The following MTMR7 variants were observed in gnomAD, a reference collection of about 807,000 sequenced individuals.
MTMR7 encodes myotubularin related protein 7.
A neutral mutation model predicts 81.2 loss-of-function variants in MTMR7; 76 were observed. That is an observed-to-expected ratio of 0.94 (90% CI 0.78 to 1.13). The LOEUF (loss-of-function observed/expected upper bound fraction) is 1.13, where lower values mean the gene tolerates loss of function less well. Ranked by LOEUF, MTMR7 falls within the 50% of genes most tolerant of loss-of-function variation. MTMR7 has a pLI of 0.00. For missense variants in MTMR7, 1,044 were observed against 820.0 expected, an observed-to-expected ratio of 1.27 and a Z score of -3.34; for synonymous variants, 372 against 289.8, an observed-to-expected ratio of 1.28 and a Z score of -2.88.
intron 1 of MTMR7, among the ~76,000 whole-genome samples, chr8:17,381,242 A>G (rs1183601095): frequency 6.6e-6 from 1 of 152,106 alleles, no homozygotes; most frequent in East Asian, 1.9e-4. Flanking sequence ...TTCTAGGCCA[A>G]GGCTGAAAAC....
At chr8:17,386,314 G>A (rs1477699649) in intron 1 of MTMR7, among the ~76,000 whole-genome samples, 2 of 152,332 alleles carry the variant, frequency 1.3e-5, no homozygotes, top group Middle Eastern at 3.4e-3. Flanking sequence ...GGAGGTCAAG[G>A]CTGCAGTGGG....
intron 1 of MTMR7, among the ~76,000 whole-genome samples, chr8:17,394,614 G>A: frequency 6.6e-6 from 1 of 152,138 alleles, no homozygotes; most frequent in Admixed American, 6.5e-5. Flanking sequence ...ATAGAGAGTA[G>A]TGATGGTTAC....
At chr8:17,303,811 T>C (rs896421245) in intron 12 of MTMR7, among the ~76,000 whole-genome samples, 9 of 152,258 alleles carry the variant, frequency 5.9e-5, no homozygotes, top group African/African-American at 2.2e-4. Context: ...GGTCTCCCCA[T>C]GTTGGCCAGG....
chr8:17,404,326 G>A (rs558048310), intron 1 of MTMR7, among the ~76,000 whole-genome samples: 7 of 152,112 alleles, frequency 4.6e-5, no homozygotes, highest in East Asian at 1.9e-4. Context: ...GTGGATCGCC[G>A]AGATTGGAAA....
intron 3 of MTMR7, among the ~76,000 whole-genome samples, chr8:17,362,826 G>A (rs962050272): frequency 1.3e-5 from 2 of 152,196 alleles, no homozygotes; most frequent in African/African-American, 4.8e-5. Context: ...CCACCAGCAA[G>A]AGGCTGCAGC....
At position 17,309,292 on chromosome 8, in the gene MTMR7, T is replaced by C. The variant is rs1205343678; in HGVS notation, c.1136A>G (p.His379Arg). 2.6e-6 allele frequency: 4 copies of C among 1,560,642 alleles called. No individual in the cohort carries two copies. Among genetic ancestry groups the C allele is most frequent in the Non-Finnish European group, 3.5e-6 (4 of 1,131,810 alleles). Residue 379 changes from histidine (H) to arginine (R), a missense_variant, in exon 10 of 14, where the codon CAT (histidine) becomes CGT (arginine). Coordinates refer to ENST00000180173, the MANE Select transcript of MTMR7 (RefSeq NM_004686.5). The stretch of plus-strand genomic sequence containing the variant: ...TATTACTTACCGGTGATTAAACTTA[T>C]GACCAAAGGAAATCCAGTCCTTTTC... The part of the protein sequence containing the change: ...LIEKDWISFG[H>R]KFNHRYGNLD...
At chr8:17,357,207 A>C (rs1429406817) in intron 4 of MTMR7, among the ~76,000 whole-genome samples, 1 of 152,234 alleles carries the variant, frequency 6.6e-6, no homozygotes, top group African/African-American at 2.4e-5. Flanking sequence ...TGCCTTAGAC[A>C]ATTACTTAAT....
chr8:17,343,966 G>A (rs528941369), intron 5 of MTMR7, among the ~76,000 whole-genome samples: 78 of 152,268 alleles, frequency 5.1e-4, no homozygotes, highest in Non-Finnish European at 9.3e-4. Flanking sequence ...GTTGTAAACC[G>A]GAAGGGATAG....
At position 17,361,204 on chromosome 8, in the gene MTMR7, C is replaced by A. The variant is rs1820049445; in HGVS notation, c.381G>T (p.Trp127Cys). 3 of 1,614,020 alleles carry A rather than the reference C, an allele frequency of 1.9e-6. No individual in the cohort carries two copies. The highest frequency in any genetic ancestry group is 2.5e-6 in the Non-Finnish European group (3 of 1,180,014). ...ATTCTTCACTAAGATCGATCAGCAC[C>A]CAGCCTTGCTCTCTTTCTTCTTTAT... is the stretch of plus-strand genomic sequence containing the variant. ...MLDKEEREQGWVLIDLSEEYT... is the reference protein window; with the variant it reads ...MLDKEEREQGCVLIDLSEEYT... Residue 127 changes from tryptophan (W) to cysteine (C), a missense_variant, in exon 4 of 14, where the codon TGG becomes TGT. Coordinates refer to ENST00000180173, the MANE Select transcript of MTMR7 (RefSeq NM_004686.5).
intron 1 of MTMR7, among the ~76,000 whole-genome samples, chr8:17,382,722 G>C (rs1210239013): frequency 6.6e-6 from 1 of 152,070 alleles, no homozygotes; most frequent in Non-Finnish European, 1.5e-5. Context: ...CAAAATTTGA[G>C]ACCACTACAG....
chr8:17,386,567 G>A (rs1244782895), intron 1 of MTMR7, among the ~76,000 whole-genome samples: 2 of 152,280 alleles, frequency 1.3e-5, no homozygotes, highest in African/African-American at 4.8e-5. Flanking sequence ...AAGGGGAGAT[G>A]GGCTGAAAAC....
chr8:17,377,385 C>G (rs1371545588), intron 1 of MTMR7, among the ~76,000 whole-genome samples: 1 of 151,996 alleles, frequency 6.6e-6, no homozygotes, highest in African/African-American at 2.4e-5. Context: ...GGGTAAACCC[C>G]TCTCTTCTTA....
chr8:17,316,577 T>C (rs578051067), intron 7 of MTMR7, among the ~76,000 whole-genome samples: 1 of 152,166 alleles, frequency 6.6e-6, no homozygotes, highest in Non-Finnish European at 1.5e-5. Flanking sequence ...AGCTCTATCA[T>C]GCACAGTTGG....
At chr8:17,359,482 T>G (rs1471900199) in intron 4 of MTMR7, among the ~76,000 whole-genome samples, 2 of 151,688 alleles carry the variant, frequency 1.3e-5, no homozygotes, top group East Asian at 2.0e-4. Flanking sequence ...GCCTGTAATC[T>G]TAGCTACTCA....
intron 1 of MTMR7, among the ~76,000 whole-genome samples, chr8:17,382,328 T>C (rs529641065): frequency 6.6e-6 from 1 of 152,316 alleles, no homozygotes; most frequent in South Asian, 2.1e-4. Flanking sequence ...ACAGTGGCTC[T>C]TTTTCATTTT....
At chr8:17,301,474 A>G (rs905257783) in intron 13 of MTMR7, among the ~76,000 whole-genome samples, 1 of 152,216 alleles carries the variant, frequency 6.6e-6, no homozygotes, top group Non-Finnish European at 1.5e-5. Flanking sequence ...ACAAGCAGCA[A>G]AAACCATTAA....
intron 5 of MTMR7, among the ~76,000 whole-genome samples, chr8:17,345,844 A>C (rs1226355992): frequency 6.6e-6 from 1 of 152,202 alleles, no homozygotes; most frequent in Non-Finnish European, 1.5e-5. Context: ...CAAAATCAAA[A>C]GTGTCCCTTT....
chr8:17,304,217 G>A (rs1817306074), intron 12 of MTMR7, among the ~76,000 whole-genome samples, 162 bp downstream of exon 12: 1 of 152,154 alleles, frequency 6.6e-6, no homozygotes. Flanking sequence ...AGGAGTCACT[G>A]GCAAAAATAC....
At chr8:17,379,459 G>C (rs1452897399) in intron 1 of MTMR7, among the ~76,000 whole-genome samples, 1 of 152,190 alleles carries the variant, frequency 6.6e-6, no homozygotes, top group African/African-American at 2.4e-5. Flanking sequence ...CTGCACTTGT[G>C]ATACACACGG....
Sources: allele counts gnomAD v4.1 joint callset (sites outside exome capture counted in the v4.1 genomes callset), GRCh38; gene constraint gnomAD v4.1.1; transcripts MANE v1.5; gene names NCBI Gene and HGNC (gene_info 2026-07-23, HGNC 2026-07-21).